The following ATG10 variants were observed in gnomAD, a reference collection of about 807,000 sequenced individuals.
The protein encoded by ATG10 is ubiquitin-like-conjugating enzyme ATG10.
In ATG10, 30 loss-of-function variants were observed where a neutral mutation model predicts 32.1. The observed-to-expected ratio is 0.94, with a 90% CI of 0.70 to 1.27. The LOEUF is 1.27. Ranked by LOEUF, ATG10 falls within the 50% of genes most tolerant of loss-of-function variation. The probability of loss-of-function intolerance (pLI) is 0.00; values close to 1 mark genes in which losing one functional copy is unlikely to be tolerated. For missense variants in ATG10, 233 were observed against 262.3 expected (o/e 0.89, Z 0.77); for synonymous variants, 87 against 91.5 (o/e 0.95, Z 0.28).
intron 5 of ATG10, among the ~76,000 whole-genome samples, chr5:82,246,804 T>C (rs1253357784): frequency 6.6e-6 from 1 of 152,182 alleles, no homozygotes; most frequent in Non-Finnish European, 1.5e-5. Context: ...CTGGTATTAT[T>C]TCCTGAAGGA....
At chr5:82,043,703 A>G (rs111926711) in intron 2 of ATG10, among the ~76,000 whole-genome samples, 4 of 152,350 alleles carry the variant, frequency 2.6e-5, no homozygotes, top group African/African-American at 9.6e-5. Context: ...CTCTTGCCAG[A>G]TACCCTAAAT....
chr5:82,212,865 G>A (rs1222965048), intron 5 of ATG10, among the ~76,000 whole-genome samples: 1 of 152,066 alleles, frequency 6.6e-6, no homozygotes, highest in African/African-American at 2.4e-5. Context: ...CTCCCTAGGT[G>A]GTTCTATCCA....
At chr5:82,033,962 A>G (rs2149718813) in intron 2 of ATG10, among the ~76,000 whole-genome samples, 1 of 147,898 alleles carries the variant, frequency 6.8e-6, no homozygotes, top group African/African-American at 2.5e-5. Flanking sequence ...GTATATATAC[A>G]TATATAGTAT....
At chr5:82,227,091 G>A (rs973073874) in intron 5 of ATG10, among the ~76,000 whole-genome samples, 1 of 152,132 alleles carries the variant, frequency 6.6e-6, no homozygotes, top group Non-Finnish European at 1.5e-5. Context: ...ACATGGGCAT[G>A]AGAGTTTTAA....
At chr5:82,130,204 C>T (rs371551698) in intron 3 of ATG10, among the ~76,000 whole-genome samples, 5 of 152,138 alleles carry the variant, frequency 3.3e-5, no homozygotes, top group South Asian at 4.1e-4. Flanking sequence ...CCATGAAACT[C>T]GAGCATCCCA....
At chr5:82,247,319 T>C (rs1193992840) in intron 5 of ATG10, among the ~76,000 whole-genome samples, 1 of 152,184 alleles carries the variant, frequency 6.6e-6, no homozygotes, top group East Asian at 1.9e-4. Context: ...AGGCTCATTT[T>C]TCTTCAATTT....
chr5:82,205,657 G>C (rs150631086), intron 5 of ATG10, among the ~76,000 whole-genome samples: 2 of 152,324 alleles, frequency 1.3e-5, no homozygotes, highest in South Asian at 2.1e-4. Context: ...TGCTGTCAGA[G>C]AGAGATTTTA....
intron 3 of ATG10, among the ~76,000 whole-genome samples, chr5:82,137,220 T>C (rs978240174): frequency 3.3e-5 from 5 of 152,176 alleles, no homozygotes; most frequent in African/African-American, 1.2e-4. Flanking sequence ...TGTAAATTCA[T>C]CAAACTCATT....
Position 82,212,914 on chromosome 5 carries a change from CTAA to C in ATG10, c.453+34328_453+34330del, listed in dbSNP as rs572254327. On this transcript the variant is annotated intron_variant, in intron 5 of 7. Coordinates refer to ENST00000282185, the MANE Select transcript of ATG10 (RefSeq NM_031482.5). ...AAATATCTTTAATATACCAGTGACTCTAAAGTTAGCCTTCAGCTGAGAAACTCC... is the reference window on the plus strand; with the variant it reads ...AAATATCTTTAATATACCAGTGACTCAGTTAGCCTTCAGCTGAGAAACTCC... Among the ~76,000 whole-genome samples, 16 of 152,266 alleles carry C rather than the reference CTAA, an allele frequency of 1.1e-4. No homozygotes were observed. In the East Asian group the frequency reaches 3.1e-3, roughly 29 times the overall value.
At chr5:82,119,983 A>AT (rs1554049438) in intron 3 of ATG10, among the ~76,000 whole-genome samples, 1 of 116,874 alleles carries the variant, frequency 8.6e-6, no homozygotes, top group Admixed American at 8.1e-5. Flanking sequence ...TCCACCATTT[A>AT]TTGTGTGTGT....
At chr5:82,171,698 T>G (rs1300085779) in intron 4 of ATG10, among the ~76,000 whole-genome samples, 1 of 152,240 alleles carries the variant, frequency 6.6e-6, no homozygotes, top group African/African-American at 2.4e-5. Flanking sequence ...TATGGATTTA[T>G]GTGAGTATGA....
intron 4 of ATG10, among the ~76,000 whole-genome samples, chr5:82,172,911 A>G (rs1302053769): frequency 6.6e-6 from 1 of 152,216 alleles, no homozygotes; most frequent in Non-Finnish European, 1.5e-5. Flanking sequence ...TTCATATCAC[A>G]ATATAATTTT....
intron 3 of ATG10, among the ~76,000 whole-genome samples, chr5:82,095,555 T>C (rs1448101594): frequency 6.6e-6 from 1 of 152,188 alleles, no homozygotes; most frequent in Non-Finnish European, 1.5e-5. Flanking sequence ...TCAATTAAGC[T>C]CAATTTTTGT....
intron 3 of ATG10, among the ~76,000 whole-genome samples, chr5:82,060,434 G>A (rs1257753833): frequency 6.6e-6 from 1 of 152,072 alleles, no homozygotes; most frequent in Admixed American, 6.5e-5. Context: ...AAGTATATGA[G>A]CCCTTATTTA....
At chr5:82,139,872 C>T (rs1179217607) in intron 3 of ATG10, among the ~76,000 whole-genome samples, 4 of 143,932 alleles carry the variant, frequency 2.8e-5, no homozygotes, top group Non-Finnish European at 6.2e-5. Flanking sequence ...GGCCAGCCGC[C>T]CCGTCCGGGA....
chr5:82,105,540 A>G (rs1407174328), intron 3 of ATG10, among the ~76,000 whole-genome samples: 4 of 152,294 alleles, frequency 2.6e-5, no homozygotes, highest in East Asian at 1.9e-4. Context: ...GGACATATTC[A>G]TGAATTGAAA....
intron 3 of ATG10, among the ~76,000 whole-genome samples, chr5:82,113,999 G>C (rs1348829365): frequency 6.6e-6 from 1 of 151,498 alleles, no homozygotes. Context: ...GTCAAATCTA[G>C]TAATCATTTA....
At chr5:82,050,969 C>G (rs1031997608) in intron 2 of ATG10, among the ~76,000 whole-genome samples, 1 of 151,870 alleles carries the variant, frequency 6.6e-6, no homozygotes, top group Non-Finnish European at 1.5e-5. Flanking sequence ...TGTGATCATG[C>G]CACTGCTCTC....
At chr5:82,234,135 GTGATACCTGGA>G (rs1345031219) in intron 5 of ATG10, among the ~76,000 whole-genome samples, 5 of 152,126 alleles carry the variant, frequency 3.3e-5, no homozygotes, top group Non-Finnish European at 7.4e-5. Flanking sequence ...TCTGTGTCCG[GTGATACCTGGA>G]TGATCTGTTC....
Sources: gnomAD v4.1 joint callset for allele counts (sites outside exome capture counted in the v4.1 genomes callset) on GRCh38, gnomAD v4.1.1 for gene constraint, MANE v1.5 for transcripts, NCBI Gene and HGNC (gene_info 2026-07-23, HGNC 2026-07-21) for gene names.